The following SLC41A2 variants were observed in gnomAD, a reference collection of about 807,000 sequenced individuals.
The protein encoded by SLC41A2 is SLC41A1-like 1.
A neutral mutation model predicts 58.3 loss-of-function variants in SLC41A2; 32 were observed. The observed-to-expected ratio is 0.55, with a 90% CI of 0.41 to 0.74. SLC41A2 has a LOEUF of 0.74. Ranked by LOEUF, SLC41A2 falls within the 30% of genes least tolerant of loss-of-function variation. SLC41A2 has a pLI of 0.00. For synonymous variants in SLC41A2, 190 were observed against 235.0 expected (o/e 0.81, Z 1.75); for missense variants, 514 against 680.6 (o/e 0.76, Z 2.72).
At chr12:104,936,398 ATGTG>A (rs1419615728) in intron 1 of SLC41A2, among the ~76,000 whole-genome samples, 4 of 152,150 alleles carry the variant, frequency 2.6e-5, no homozygotes, top group Non-Finnish European at 5.9e-5. Context: ...GCCTATGCTA[ATGTG>A]TGTGTGTATT....
chr12:104,845,368 T>C (rs1488144817), intron 9 of SLC41A2, among the ~76,000 whole-genome samples: 2 of 152,128 alleles, frequency 1.3e-5, no homozygotes, highest in Admixed American at 1.3e-4. Context: ...TGACAAGAAT[T>C]GTGAAGTTTA....
intron 10 of SLC41A2, among the ~76,000 whole-genome samples, chr12:104,806,295 A>G (rs1049608286): frequency 2.0e-5 from 3 of 149,996 alleles, no homozygotes; most frequent in Admixed American, 6.7e-5. Context: ...ATTCCCACCT[A>G]TGAGTGAGAA....
rs114058526 is a variant in SLC41A2, at chr12:104,948,689, T to C, written c.-168+9399A>G. Among the ~76,000 whole-genome samples, 400 of 152,334 alleles carry C rather than the reference T, an allele frequency of 2.6e-3. 3 individuals are homozygous for C. The highest frequency in any genetic ancestry group is 9.3e-3 in the African/African-American group (388 of 41,578). On this transcript the variant is annotated intron_variant, in intron 1 of 10. Coordinates refer to ENST00000258538, the MANE Select transcript of SLC41A2 (RefSeq NM_001352171.3). The stretch of plus-strand genomic sequence containing the variant: ...CCCCTGTAGACATTTCTCTGTGTTA[T>C]AATCCTCTGGCGCCAGTGTACACAG...
In SLC41A2 at chr12:104,955,777, A is replaced by G. The variant is rs892725161; in HGVS notation, c.-168+2311T>C. Among the ~76,000 whole-genome samples, 7 of 151,564 alleles carry G rather than the reference A, an allele frequency of 4.6e-5. No individual in the cohort carries two copies. In the South Asian group the frequency reaches 6.2e-4, roughly 14 times the overall value. On this transcript the variant is annotated intron_variant, in intron 1 of 10. Coordinates refer to ENST00000258538, the MANE Select transcript of SLC41A2 (RefSeq NM_001352171.3). ...AGTGGTTTTTTTTTTTTTGGCCATG[A>G]AAGACCTGATGCTGAATTTGTGTGC...
chr12:104,955,838 T>C (rs2048146897), intron 1 of SLC41A2, among the ~76,000 whole-genome samples: 1 of 152,058 alleles, frequency 6.6e-6, no homozygotes. Flanking sequence ...CACAGCAGCA[T>C]TCATTTAGCT....
intron 3 of SLC41A2, among the ~76,000 whole-genome samples, chr12:104,906,409 T>C (rs570284903): frequency 2.1e-4 from 32 of 150,836 alleles, no homozygotes; most frequent in East Asian, 3.9e-4. Context: ...GCCTGGTGTA[T>C]GTGTGAGGTC....
intron 8 of SLC41A2, among the ~76,000 whole-genome samples, chr12:104,848,165 T>G (rs760662198): frequency 5.9e-5 from 9 of 152,208 alleles, no homozygotes; most frequent in Non-Finnish European, 2.9e-5. Flanking sequence ...AACAGAAAAG[T>G]AAGATATCTG....
chr12:104,867,493 G>A (rs1256682303), intron 6 of SLC41A2, among the ~76,000 whole-genome samples: 1 of 151,850 alleles, frequency 6.6e-6, no homozygotes, highest in East Asian at 1.9e-4. Context: ...TGATCTTACA[G>A]AATGCTGCAA....
intron 8 of SLC41A2, among the ~76,000 whole-genome samples, chr12:104,860,238 G>C (rs1024871770): frequency 1.3e-5 from 2 of 151,924 alleles, no homozygotes; most frequent in African/African-American, 2.4e-5. Context: ...CCTGTCAGGT[G>C]GGGGGCAAGG....
chr12:104,825,882 C>A (rs1301688692), intron 10 of SLC41A2, among the ~76,000 whole-genome samples: 2 of 152,162 alleles, frequency 1.3e-5, no homozygotes, highest in Admixed American at 1.3e-4. Flanking sequence ...AGATTGCCAA[C>A]AACAGGGAGA....
intron 1 of SLC41A2, among the ~76,000 whole-genome samples, chr12:104,946,067 T>G (rs778898913): frequency 6.6e-6 from 1 of 152,220 alleles, no homozygotes; most frequent in Non-Finnish European, 1.5e-5. Flanking sequence ...ACATTAAAAT[T>G]TTTTTATCTT....
At chr12:104,947,227 A>T in intron 1 of SLC41A2, among the ~76,000 whole-genome samples, 1 of 108,520 alleles carries the variant, frequency 9.2e-6, no homozygotes, top group African/African-American at 3.7e-5. Context: ...TTTTTGAGAC[A>T]GAGTTTCATT....
At chr12:104,948,317 T>C (rs75436495) in intron 1 of SLC41A2, among the ~76,000 whole-genome samples, 5,811 of 152,216 alleles carry the variant, frequency 0.038, 148 homozygotes, top group East Asian at 0.1. Flanking sequence ...ATGAATAGCT[T>C]ATAAAAATGC....
intron 10 of SLC41A2, among the ~76,000 whole-genome samples, chr12:104,822,955 T>C (rs1390385586): frequency 6.6e-6 from 1 of 152,226 alleles, no homozygotes; most frequent in African/African-American, 2.4e-5. Flanking sequence ...ATTTGAAAAC[T>C]ATAAAAAGAA....
At chr12:104,821,953 T>A (rs1289509958) in intron 10 of SLC41A2, among the ~76,000 whole-genome samples, 1 of 152,216 alleles carries the variant, frequency 6.6e-6, no homozygotes. Context: ...GGCTGGGTGT[T>A]CATTAACTAT....
chr12:104,921,510 A>G (rs556192173), intron 2 of SLC41A2, among the ~76,000 whole-genome samples: 3 of 152,084 alleles, frequency 2.0e-5, no homozygotes, highest in Admixed American at 2.0e-4. Context: ...AAAGAAAAAA[A>G]AAAAAGCTAC....
chr12:104,819,014 A>G (rs1592931332), intron 10 of SLC41A2, among the ~76,000 whole-genome samples: 1 of 152,236 alleles, frequency 6.6e-6, no homozygotes, highest in Non-Finnish European at 1.5e-5. Context: ...TTTCAAATAT[A>G]CAATCAACAA....
intron 2 of SLC41A2, among the ~76,000 whole-genome samples, chr12:104,915,857 AG>A (rs1486834412): frequency 1.3e-5 from 2 of 152,134 alleles, no homozygotes; most frequent in African/African-American, 4.8e-5. Context: ...CACTTTTCAA[AG>A]GGAATGCTTC....
chr12:104,875,074 A>G (rs958591681), intron 6 of SLC41A2, among the ~76,000 whole-genome samples: 26 of 152,124 alleles, frequency 1.7e-4, no homozygotes, highest in African/African-American at 5.6e-4. Flanking sequence ...TTATTTCTAG[A>G]TATTTTATTT....
Sources: allele counts gnomAD v4.1 joint callset (sites outside exome capture counted in the v4.1 genomes callset), GRCh38; gene constraint gnomAD v4.1.1; transcripts MANE v1.5; gene names NCBI Gene and HGNC (gene_info 2026-07-23, HGNC 2026-07-21).